The following SEMA3C variants were observed in gnomAD, a reference collection of about 807,000 sequenced individuals.
The protein encoded by SEMA3C is semaphorin-3C.
Under a neutral mutation model 89.4 loss-of-function variants are expected in SEMA3C, and 47 were observed. That is an observed-to-expected ratio of 0.53 (90% CI 0.42 to 0.67). The LOEUF is 0.67. Among genes scored for constraint, SEMA3C ranks in the 30% least tolerant of loss-of-function variants. The pLI, the probability that SEMA3C is intolerant of heterozygous loss-of-function variation, is 0.00. For synonymous variants in SEMA3C, 310 were observed against 320.2 expected (o/e 0.97, Z 0.34); for missense variants, 839 against 929.1 (o/e 0.90, Z 1.26).
intron 5 of SEMA3C, among the ~76,000 whole-genome samples, chr7:80,814,309 T>G (rs1339938107): frequency 6.6e-6 from 1 of 151,930 alleles, no homozygotes; most frequent in African/African-American, 2.4e-5. Context: ...AGGATGGTCT[T>G]GATCTCCTGA....
At chr7:80,864,377 G>T (rs538697037) in intron 2 of SEMA3C, among the ~76,000 whole-genome samples, 2 of 151,548 alleles carry the variant, frequency 1.3e-5, no homozygotes, top group East Asian at 1.9e-4. Context: ...CACCTGTACC[G>T]CAATAACTTA....
At chr7:80,918,705 C>T in intron 1 of SEMA3C, 123 bp downstream of exon 1, 1 of 563,750 alleles carries the variant, frequency 1.8e-6, no homozygotes, top group Non-Finnish European at 2.2e-6. Flanking sequence ...CCCTGACAAA[C>T]CGCGTGTGTT....
At chr7:80,787,840 G>A (rs551534613) in intron 12 of SEMA3C, among the ~76,000 whole-genome samples, 44 of 152,288 alleles carry the variant, frequency 2.9e-4, no homozygotes, top group African/African-American at 1.1e-3. Flanking sequence ...GTTATTCTGG[G>A]AAGGAAGGAT....
chr7:80,873,524 T>C (rs1791122374), intron 2 of SEMA3C, among the ~76,000 whole-genome samples: 1 of 152,140 alleles, frequency 6.6e-6, no homozygotes, highest in South Asian at 2.1e-4. Flanking sequence ...TAGGCCCATT[T>C]CTATGTGGGG....
At chr7:80,900,448 A>T (rs1334230759) in intron 2 of SEMA3C, among the ~76,000 whole-genome samples, 1 of 152,230 alleles carries the variant, frequency 6.6e-6, no homozygotes, top group African/African-American at 2.4e-5. Flanking sequence ...TCACATCTTG[A>T]TAAGTGTTTT....
At chr7:80,892,023 A>G (rs999813142) in intron 2 of SEMA3C, among the ~76,000 whole-genome samples, 1 of 152,168 alleles carries the variant, frequency 6.6e-6, no homozygotes, top group African/African-American at 2.4e-5. Flanking sequence ...CTGAAACAGT[A>G]GAAATAGTAA....
intron 12 of SEMA3C, among the ~76,000 whole-genome samples, chr7:80,774,737 C>T (rs1481449141): frequency 6.6e-6 from 1 of 151,836 alleles, no homozygotes; most frequent in African/African-American, 2.4e-5. Flanking sequence ...TGTTATCAAA[C>T]GGTCAACATA....
chr7:80,879,214 A>T (rs1791276375), intron 2 of SEMA3C, among the ~76,000 whole-genome samples: 1 of 152,192 alleles, frequency 6.6e-6, no homozygotes, highest in Non-Finnish European at 1.5e-5. Context: ...ATTAAAAAAA[A>T]AATAAAGAAA....
intron 10 of SEMA3C, among the ~76,000 whole-genome samples, chr7:80,799,850 T>C (rs1789155392): frequency 7.1e-6 from 1 of 140,806 alleles, no homozygotes; most frequent in Non-Finnish European, 1.5e-5. Flanking sequence ...CGAGACCCAA[T>C]CTTAAAAAAA....
intron 2 of SEMA3C, among the ~76,000 whole-genome samples, chr7:80,850,084 C>G (rs1790476779): frequency 6.6e-6 from 1 of 152,056 alleles, no homozygotes; most frequent in African/African-American, 2.4e-5. Flanking sequence ...ATACACTACT[C>G]TATAGTTACA....
At chr7:80,773,112 A>G (rs950595015) in intron 12 of SEMA3C, among the ~76,000 whole-genome samples, 4 of 152,184 alleles carry the variant, frequency 2.6e-5, no homozygotes, top group Non-Finnish European at 5.9e-5. Context: ...ATCAAAGAGA[A>G]AGCTAACAAA....
chr7:80,749,074 T>TGAATTTAGA, intron 16 of SEMA3C, 46 bp from the exon 17 acceptor site: 2 of 1,546,146 alleles, frequency 1.3e-6, no homozygotes, highest in South Asian at 2.5e-5. Context: ...AGAACACAAC[T>TGAATTTAGA]GAATTTAGAG....
At chr7:80,874,183 C>G (rs141755554) in intron 2 of SEMA3C, among the ~76,000 whole-genome samples, 85 of 152,264 alleles carry the variant, frequency 5.6e-4, no homozygotes, top group African/African-American at 1.9e-3. Flanking sequence ...AGGGCCTGAA[C>G]TCAACTGCTC....
intron 2 of SEMA3C, among the ~76,000 whole-genome samples, chr7:80,910,968 T>C (rs1330684729): frequency 6.6e-6 from 1 of 152,112 alleles, no homozygotes; most frequent in Non-Finnish European, 1.5e-5. Context: ...TCTACTGTTA[T>C]CCATCTAAGC....
At chr7:80,881,186 C>CAA (rs1791330661) in intron 2 of SEMA3C, among the ~76,000 whole-genome samples, 1 of 151,268 alleles carries the variant, frequency 6.6e-6, no homozygotes, top group South Asian at 2.1e-4. Context: ...CACACACACA[C>CAA]ACACACACAC....
chr7:80,890,300 A>AT (rs1385831089), intron 2 of SEMA3C, among the ~76,000 whole-genome samples: 4 of 152,188 alleles, frequency 2.6e-5, no homozygotes, highest in African/African-American at 9.6e-5. Flanking sequence ...GGGTCTTCCA[A>AT]TGCTGCAAGC....
intron 2 of SEMA3C, chr7:80,905,964 T>TG: frequency 8.8e-7 from 1 of 1,137,326 alleles, no homozygotes; most frequent in Non-Finnish European, 1.2e-6. Context: ...TGTTTTTTTT[T>TG]TAACTGAATA....
intron 12 of SEMA3C, among the ~76,000 whole-genome samples, chr7:80,767,901 GAA>G (rs1788340012): frequency 6.6e-6 from 1 of 152,084 alleles, no homozygotes; most frequent in Non-Finnish European, 1.5e-5. Context: ...GAATCCAACT[GAA>G]AGAGTCAAAG....
rs1215661147 is a variant in SEMA3C, at chr7:80,812,961, ATTTTTTTTTTTTT to A, written c.448-2273_448-2261del. On this transcript the variant is annotated intron_variant, in intron 5 of 17. Transcript: ENST00000265361. The stretch of plus-strand genomic sequence containing the variant: ...ACCACCACGCCTGGCTATTTTTTGT[ATTTTTTTTTTTTT>A]TTTTTTTTTTTAATAGAGACGGGGC... Among the ~76,000 whole-genome samples the A allele has an allele frequency of 1.3e-4, 12 of 92,500 alleles. No individual in the cohort carries two copies. The East Asian group carries it at 3.3e-3, about 26-fold the overall frequency. 60.7% of individuals were successfully genotyped at this position (92,500 alleles called of 152,430 possible).
Sources: gnomAD v4.1 joint callset for allele counts (sites outside exome capture counted in the v4.1 genomes callset) on GRCh38, gnomAD v4.1.1 for gene constraint, MANE v1.5 for transcripts, NCBI Gene and HGNC (gene_info 2026-07-23, HGNC 2026-07-21) for gene names.